The following TRAPPC9 variants were observed in gnomAD, a reference collection of about 807,000 sequenced individuals.
TRAPPC9 encodes IKK2 binding protein.
A neutral mutation model predicts 124.0 loss-of-function variants in TRAPPC9; 83 were observed. The ratio of observed to expected loss-of-function variants is 0.67; its 90% confidence interval spans 0.56 to 0.80. TRAPPC9 has a LOEUF of 0.80. Among genes scored for constraint, TRAPPC9 ranks in the 30% least tolerant of loss-of-function variants. The probability of loss-of-function intolerance (pLI) is 0.00; values close to 1 mark genes in which losing one functional copy is unlikely to be tolerated. For synonymous variants in TRAPPC9, 638 were observed against 617.5 expected (o/e 1.03, Z -0.49); for missense variants, 1,302 against 1,508.3 (o/e 0.86, Z 2.27).
At chr8:140,349,580 T>C (rs12543357) in intron 9 of TRAPPC9, among the ~76,000 whole-genome samples, 18,345 of 152,106 alleles carry the variant, frequency 0.12, 1,322 homozygotes, top group African/African-American at 0.19. Flanking sequence ...AACTACGGCA[T>C]GTCTGCACAC....
chr8:140,349,572 C>T (rs914325163), intron 9 of TRAPPC9, among the ~76,000 whole-genome samples: 27 of 152,130 alleles, frequency 1.8e-4, no homozygotes, highest in Non-Finnish European at 3.5e-4. Context: ...ATCGTGGTAA[C>T]TACGGCATGT....
chr8:140,342,303 T>C (rs1313062206), intron 9 of TRAPPC9, among the ~76,000 whole-genome samples: 1 of 152,194 alleles, frequency 6.6e-6, no homozygotes, highest in Non-Finnish European at 1.5e-5. Context: ...ACCTGGCAAA[T>C]TAGTATTTTC....
chr8:140,401,957 T>C (rs1222809429), intron 6 of TRAPPC9, among the ~76,000 whole-genome samples: 1 of 151,420 alleles, frequency 6.6e-6, no homozygotes, highest in Non-Finnish European at 1.5e-5. Flanking sequence ...AATTCTTTCC[T>C]ACCATCCAAA....
chr8:139,922,837 G>T (rs193017612), intron 19 of TRAPPC9, among the ~76,000 whole-genome samples: 2 of 152,230 alleles, frequency 1.3e-5, no homozygotes, highest in African/African-American at 2.4e-5. Context: ...CGAAGCTCAG[G>T]CCCAGAGAGC....
At chr8:140,410,552 C>T (rs762794612) in intron 5 of TRAPPC9, among the ~76,000 whole-genome samples, 1 of 149,422 alleles carries the variant, frequency 6.7e-6, no homozygotes, top group Non-Finnish European at 1.5e-5. Flanking sequence ...AAAACAACAA[C>T]AAAAAAAAAG....
chr8:140,451,054 C>A lies in TRAPPC9; in HGVS notation c.320G>T (p.Gly107Val). Residue 107 changes from glycine (G) to valine (V), a missense_variant, in exon 2 of 23, where the codon GGC becomes GTC. By Grantham distance (109) the Gly-to-Val change is moderately radical. Around this residue, in one of 3 missense-constraint regions of TRAPPC9, gnomAD observed 657 missense variants for 811.2 expected, o/e 0.81. Coordinates refer to ENST00000438773, the MANE Select transcript of TRAPPC9 (RefSeq NM_001160372.4). ...GAGCCGGGAGTCATACAGTGTGGAG[C>A]CGTAGATCTCCTTCTGCACGTGGAA... ...EKFHVQKEIYGSTLYDSRLFV... is the reference protein window; with the variant it reads ...EKFHVQKEIYVSTLYDSRLFV... 1 of 1,614,040 alleles carries A rather than the reference C, an allele frequency of 6.2e-7. No individual in the cohort carries two copies. Among genetic ancestry groups the A allele is most frequent in the Non-Finnish European group, 8.5e-7 (1 of 1,180,008 alleles).
At chr8:139,789,931 T>G (rs1822538233) in intron 21 of TRAPPC9, among the ~76,000 whole-genome samples, 1 of 152,018 alleles carries the variant, frequency 6.6e-6, no homozygotes. Flanking sequence ...CCCACAGCCT[T>G]CTCGGGCTCC....
rs1378376643 is a variant in TRAPPC9 at position 139,907,477 on chromosome 8, G to A, written c.2964+2670C>T. ...AATAGCAAAATTCTGCTATTCCTCT[G>A]ACACCAGATGTCATCAACAGATGAG... On this transcript the variant is annotated intron_variant, in intron 20 of 22. Transcript: ENST00000438773. This position sits in a 1 kb window ranked among gnomAD's most constrained non-coding sequence, Gnocchi z 4.7. Among the ~76,000 whole-genome samples, 3 of 147,302 alleles carry A rather than the reference G, an allele frequency of 2.0e-5. No individual in the cohort carries two copies. In the East Asian group the frequency reaches 6.2e-4, roughly 31 times the overall value.
intron 7 of TRAPPC9, among the ~76,000 whole-genome samples, chr8:140,379,479 T>A (rs544323100): frequency 1.1e-4 from 16 of 152,344 alleles, no homozygotes; most frequent in African/African-American, 3.6e-4. Context: ...TATTCTGCCA[T>A]CTGGCTCACA....
intron 15 of TRAPPC9, among the ~76,000 whole-genome samples, chr8:140,272,553 A>C (rs2131630114): frequency 6.6e-6 from 1 of 151,352 alleles, no homozygotes; most frequent in African/African-American, 2.5e-5. Flanking sequence ...TTCACTTTGC[A>C]TTGCTATAAA....
At chr8:140,282,502 CAA>C (rs549294612) in intron 14 of TRAPPC9, among the ~76,000 whole-genome samples, 18 of 99,634 alleles carry the variant, frequency 1.8e-4, no homozygotes, top group East Asian at 3.8e-4. Context: ...GACTCCACCT[CAA>C]AAAAAAAAAA....
intron 17 of TRAPPC9, among the ~76,000 whole-genome samples, chr8:140,188,892 T>C (rs994174293): frequency 6.6e-6 from 1 of 152,200 alleles, no homozygotes; most frequent in African/African-American, 2.4e-5. Context: ...ACTTCGTTAG[T>C]AGCACACATC....
intron 9 of TRAPPC9, among the ~76,000 whole-genome samples, chr8:140,336,347 G>A (rs2067040158): frequency 6.6e-6 from 1 of 152,178 alleles, no homozygotes; most frequent in Admixed American, 6.5e-5. Flanking sequence ...TCCCAACCCT[G>A]GCTTGCCTCT....
At chr8:140,166,030 G>A (rs983178146) in intron 17 of TRAPPC9, among the ~76,000 whole-genome samples, 1 of 152,136 alleles carries the variant, frequency 6.6e-6, no homozygotes, top group African/African-American at 2.4e-5. Context: ...TCCTCCAGGA[G>A]CCCCGCCTGC....
intron 18 of TRAPPC9, among the ~76,000 whole-genome samples, chr8:140,013,021 A>G (rs985157311): frequency 6.6e-6 from 1 of 152,194 alleles, no homozygotes; most frequent in African/African-American, 2.4e-5. Context: ...CTGAGACGAC[A>G]GCGCCTCAAC....
intron 21 of TRAPPC9, among the ~76,000 whole-genome samples, chr8:139,855,658 C>A (rs553139518): frequency 1.3e-5 from 2 of 152,338 alleles, no homozygotes; most frequent in East Asian, 3.9e-4. Context: ...CAGGCCCTGG[C>A]GCCTCTCTCT....
intron 19 of TRAPPC9, chr8:139,914,980 A>G (rs1587195995): frequency 6.6e-6 from 1 of 152,360 alleles, no homozygotes; most frequent in Admixed American, 6.5e-5. Flanking sequence ...AGTGACTCGG[A>G]ACCGTGGCTG....
intron 15 of TRAPPC9, chr8:140,262,734 G>A (rs2064470004): frequency 1.3e-5 from 2 of 152,204 alleles, no homozygotes; most frequent in African/African-American, 2.4e-5. Flanking sequence ...CATTATTCAT[G>A]TGCCTGCACG....
chr8:140,015,047 AT>A (rs903116271), intron 18 of TRAPPC9, among the ~76,000 whole-genome samples: 1 of 152,246 alleles, frequency 6.6e-6, no homozygotes, highest in Non-Finnish European at 1.5e-5. Context: ...ACTCACATCC[AT>A]TTGTATTTTG....
Sources: gnomAD v4.1 joint callset for allele counts (sites outside exome capture counted in the v4.1 genomes callset) on GRCh38, gnomAD v4.1.1 for gene constraint, gnomAD v4.1.1 regional missense constraint, Gnocchi (gnomAD v3.1) non-coding constraint, MANE v1.5 for transcripts, NCBI Gene and HGNC (gene_info 2026-07-23, HGNC 2026-07-21) for gene names.